TTC23L: variants seen among roughly 807,000 people sequenced by gnomAD.
TTC23L encodes the protein tetratricopeptide repeat domain 23 like.
In TTC23L, 42 loss-of-function variants were observed where a neutral mutation model predicts 48.1. The observed-to-expected ratio is 0.87, with a 90% CI of 0.68 to 1.13. The LOEUF (loss-of-function observed/expected upper bound fraction) is 1.13. Among genes scored for constraint, TTC23L ranks in the 50% most tolerant of loss-of-function variants. The probability of loss-of-function intolerance (pLI) is 0.00; values close to 1 mark genes in which losing one functional copy is unlikely to be tolerated. For synonymous variants in TTC23L, 159 were observed against 157.2 expected, an observed-to-expected ratio of 1.01 and a Z score of -0.09; for missense variants, 391 against 421.0, an observed-to-expected ratio of 0.93 and a Z score of 0.62.
chr5:34,924,949 A>T, the TTC23L span: 5 of 1,613,526 alleles, frequency 3.1e-6, no homozygotes, highest in Admixed American at 8.3e-5. Flanking sequence ...TTTATATGAA[A>T]ATCCTCACTA....
At chr5:34,923,263 C>T in the TTC23L span, 1 of 1,455,520 alleles carries the variant, frequency 6.9e-7, no homozygotes, top group Non-Finnish European at 9.6e-7. Flanking sequence ...TTAATTATAC[C>T]TTTTTTTTAA....
At chr5:34,860,519 T>C (rs461328) in intron 4 of TTC23L, among the ~76,000 whole-genome samples, 14,660 of 152,240 alleles carry the variant, frequency 0.096, 1,427 homozygotes, top group African/African-American at 0.25. Context: ...TGGTTCTTAT[T>C]CCAGAACTTG....
At chr5:34,842,747 G>A (rs1758791545) in intron 2 of TTC23L, among the ~76,000 whole-genome samples, 2 of 152,166 alleles carry the variant, frequency 1.3e-5, no homozygotes, top group African/African-American at 4.8e-5. Flanking sequence ...TCGTGAGTTT[G>A]CTCACATCCT....
chr5:34,858,694 T>C (rs1382256603), intron 4 of TTC23L, among the ~76,000 whole-genome samples: 5 of 148,300 alleles, frequency 3.4e-5, no homozygotes, highest in African/African-American at 4.9e-5. Context: ...AAAAAAAAAA[T>C]AGAGAAGTTT....
chr5:34,897,412 TA>T (rs200445158), intron 10 of TTC23L, among the ~76,000 whole-genome samples: 9,422 of 151,602 alleles, frequency 0.062, 340 homozygotes, highest in South Asian at 0.11. Context: ...AATTAAACAT[TA>T]AAAAAAATAC....
At chr5:34,856,589 T>C (rs1441122715) in intron 4 of TTC23L, among the ~76,000 whole-genome samples, 2 of 152,132 alleles carry the variant, frequency 1.3e-5, no homozygotes, top group Non-Finnish European at 2.9e-5. Context: ...AAGCCAAGGT[T>C]GAAGTAATAG....
At chr5:34,922,403 T>C in the TTC23L span, 2 of 901,894 alleles carry the variant, frequency 2.2e-6, no homozygotes, top group Non-Finnish European at 3.5e-6. Context: ...AAGCAAACTT[T>C]TGATTTCACG....
rs116417304 is a variant in TTC23L, at chr5:34,894,498, A to G, written c.1078-2272A>G. Among the ~76,000 whole-genome samples the G allele has an allele frequency of 6.7e-3, 1,028 of 152,328 alleles. 9 individuals carry two copies. The highest frequency in any genetic ancestry group is 0.024 in the African/African-American group (996 of 41,566). On this transcript the variant is annotated intron_variant, in intron 9 of 10. Transcript: ENST00000505624. ...GTAGTTAGTGCAAAGGACAGTAATT[A>G]TCTCTAGGACAGGATTATGGAGGAC...
intron 6 of TTC23L, among the ~76,000 whole-genome samples, chr5:34,866,561 A>C (rs1239714089): frequency 6.6e-6 from 1 of 152,182 alleles, no homozygotes; most frequent in Non-Finnish European, 1.5e-5. Context: ...AGAGGTAATA[A>C]AATTTTATTT....
At chr5:34,862,790 C>G in intron 4 of TTC23L, 108 bp from the exon 5 acceptor site, 1 of 1,294,760 alleles carries the variant, frequency 7.7e-7, no homozygotes, top group Non-Finnish European at 1.1e-6. Context: ...ATGCTATAGA[C>G]CATACGACAA....
At chr5:34,850,253 C>T in exon 4 of TTC23L, 1 of 1,613,910 alleles carries the variant, frequency 6.2e-7, no homozygotes, top group Non-Finnish European at 8.5e-7. Flanking sequence ...GGGACCATCA[C>T]TGGAAATGTG....
chr5:34,845,543 G>A, exon 3 of TTC23L: 1 of 1,613,948 alleles, frequency 6.2e-7, no homozygotes, highest in East Asian at 2.2e-5. Flanking sequence ...TATCCCACTG[G>A]TGGGTGTGGA....
At chr5:34,858,679 CA>C (rs1461442686) in intron 4 of TTC23L, among the ~76,000 whole-genome samples, 1 of 130,774 alleles carries the variant, frequency 7.6e-6, no homozygotes, top group Non-Finnish European at 1.8e-5. Context: ...AAAAAGGCTT[CA>C]GATAAAAAAA....
downstream of TTC23L, among the ~76,000 whole-genome samples, chr5:34,901,420 A>G (rs909207777): frequency 7.9e-5 from 12 of 152,108 alleles, no homozygotes; most frequent in East Asian, 2.1e-3. Context: ...GATTTACTGA[A>G]CTCGTCATAA....
intron 9 of TTC23L, among the ~76,000 whole-genome samples, chr5:34,885,028 T>C (rs561152330): frequency 6.6e-6 from 1 of 152,332 alleles, no homozygotes; most frequent in East Asian, 1.9e-4. Flanking sequence ...CCAGCAATAA[T>C]ACCTCTTCAC....
At chr5:34,900,662 T>C (rs1241847718), downstream of TTC23L, among the ~76,000 whole-genome samples, 2 of 152,222 alleles carry the variant, frequency 1.3e-5, no homozygotes, top group Non-Finnish European at 2.9e-5. Flanking sequence ...CAATTCAGCT[T>C]TTTCTTGTAA....
the TTC23L span, chr5:34,925,206 T>C: frequency 6.7e-7 from 1 of 1,498,550 alleles, no homozygotes. Context: ...AAGCATCTAA[T>C]CTTTTTTTTT....
At chr5:34,850,906 A>T (rs1759617964) in intron 4 of TTC23L, among the ~76,000 whole-genome samples, 2 of 152,196 alleles carry the variant, frequency 1.3e-5, no homozygotes, top group South Asian at 4.1e-4. Context: ...AGGCTGAATA[A>T]ATATTGGGTG....
At chr5:34,901,579 A>G (rs911714614), downstream of TTC23L, among the ~76,000 whole-genome samples, 1 of 152,102 alleles carries the variant, frequency 6.6e-6, no homozygotes, top group African/African-American at 2.4e-5. Flanking sequence ...CCTGACCAAC[A>G]TGGAGAAACC....
Sources: allele counts gnomAD v4.1 joint callset (sites outside exome capture counted in the v4.1 genomes callset), GRCh38; gene constraint gnomAD v4.1.1; transcripts MANE v1.5; gene names NCBI Gene and HGNC (gene_info 2026-07-23, HGNC 2026-07-21).